PRR7: variants seen among roughly 807,000 people sequenced by gnomAD.
PRR7 encodes the protein proline rich 7, synaptic.
In PRR7, 8 loss-of-function variants were observed where a neutral mutation model predicts 18.5. The ratio of observed to expected loss-of-function variants is 0.43; its 90% CI spans 0.25 to 0.78. PRR7 has a LOEUF of 0.78. PRR7 is among the 30% of genes least tolerant of loss of function. The probability of loss-of-function intolerance (pLI) is 0.22; values close to 1 mark genes in which losing one functional copy is unlikely to be tolerated. For missense variants in PRR7, 396 were observed against 403.1 expected, an observed-to-expected ratio of 0.98 and a Z score of 0.15; for synonymous variants, 221 against 187.7, an observed-to-expected ratio of 1.18 and a Z score of -1.45.
Position 177,456,164 on chromosome 5 carries a change from C to G in PRR7, c.*43C>G, listed in dbSNP as rs1310581620. 1.4e-6 allele frequency: 2 copies of G among 1,407,632 alleles called. No homozygotes were observed. The highest frequency in any genetic ancestry group is 1.5e-5 in the African/African-American group (1 of 66,066). The allele number at this position is 1,407,632 out of a possible 1,614,324, so 87.2% of individuals were successfully genotyped here. On this transcript the variant is annotated 3_prime_UTR_variant, in exon 4 of 4. Coordinates refer to ENST00000323249, the MANE Select transcript of PRR7 (RefSeq NM_030567.5). ...CGGGCCCCACCGGCGGACTCCTGGC[C>G]TGACTGCGGGGCTTTTTAAATGCTT...
At position 177,455,433 on chromosome 5, in the gene PRR7, C is replaced by T; in HGVS notation, c.366C>T (p.Leu122=). The change falls in exon 3 of 4, where the codon CTC becomes CTT. Residue 122 remains leucine (L), a synonymous_variant. Coordinates refer to ENST00000323249, the MANE Select transcript of PRR7 (RefSeq NM_030567.5). This position sits in a 1 kb window ranked among gnomAD's most constrained non-coding sequence, Gnocchi z 6.9. ...HAHPHPHHHA[L]PHPPPTHLSV... Reference sequence around the variant, plus strand: ...ACCCACACCCGCACCACCACGCGCTCCCGCACCCGCCGCCTACGCACCTGT... The same window carrying T: ...ACCCACACCCGCACCACCACGCGCTTCCGCACCCGCCGCCTACGCACCTGT... 6.6e-7 allele frequency: 1 copy of T among 1,506,886 alleles called. No homozygotes were observed. The highest frequency in any genetic ancestry group is 8.8e-7 in the Non-Finnish European group (1 of 1,135,392). 93.3% of individuals were successfully genotyped at this position (1,506,886 alleles called of 1,614,324 possible).
At position 177,455,806 on chromosome 5, in the gene PRR7, C is replaced by A. The variant is rs1397867705; in HGVS notation, c.510C>A (p.Leu170=). The stretch of plus-strand genomic sequence containing the variant: ...CGCCGCCGCCCTATAGCGAGGTGCT[C>A]ACGGACACGCGCGGCCTCTACCGCA... ...AEPPPPYSEV[L]TDTRGLYRKI... The change falls in exon 4 of 4, where the codon CTC becomes CTA. Residue 170 remains leucine, a synonymous_variant. Transcript: ENST00000323249. This position sits in a 1 kb window ranked among gnomAD's most constrained non-coding sequence, Gnocchi z 6.9. The A allele has an allele frequency of 1.2e-6, 2 of 1,611,824 alleles. No individual in the cohort carries two copies. Among genetic ancestry groups the A allele is most frequent in the African/African-American group, 2.7e-5 (2 of 74,890 alleles).
rs1756440455 is a variant in PRR7 at position 177,456,187 on chromosome 5, C to T, written c.*66C>T. 5.1e-6 allele frequency: 7 copies of T among 1,374,400 alleles called. No individual in the cohort carries two copies. The South Asian group carries it at 1.2e-4, about 23-fold the overall frequency. 85.1% of individuals were successfully genotyped at this position (1,374,400 alleles called of 1,614,324 possible). The stretch of plus-strand genomic sequence containing the variant: ...GCCTGACTGCGGGGCTTTTTAAATG[C>T]TTCCCTGGACTGCGGGGAGGGGCGG... On this transcript the variant is annotated 3_prime_UTR_variant, in exon 4 of 4. Coordinates refer to ENST00000323249, the MANE Select transcript of PRR7 (RefSeq NM_030567.5).
chr5:177,451,934 C>G (rs1213546974), intron 1 of PRR7, among the ~76,000 whole-genome samples: 1 of 110,480 alleles, frequency 9.1e-6, no homozygotes, highest in Non-Finnish European at 2.1e-5. Flanking sequence ...CCTCCACACC[C>G]TTTGCATGAT....
Position 177,454,901 on chromosome 5 carries a change from G to A in PRR7, c.-167G>A. The A allele has an allele frequency of 1.0e-6, 1 of 965,434 alleles. No homozygotes were observed. The highest frequency in any genetic ancestry group is 1.3e-6 in the Non-Finnish European group (1 of 749,208). 59.8% of individuals were successfully genotyped at this position (965,434 alleles called of 1,614,324 possible). ...ATGGGAAGGAGCGGGCGCCGCTGCT[G>A]TCCCCCGCCGGCGCGCGCACGACTT... On this transcript the variant is annotated 5_prime_UTR_variant, in exon 3 of 4. Transcript: ENST00000323249. The surrounding 1 kb of genome is among the most constrained non-coding windows in gnomAD (Gnocchi z 4.7).
chr5:177,450,348 CT>C lies in PRR7; in HGVS notation c.-325+3392del, dbSNP rs1202751588. On this transcript the variant is annotated intron_variant, in intron 1 of 3. Transcript: ENST00000323249. This position sits in a 1 kb window ranked among gnomAD's most constrained non-coding sequence, Gnocchi z 6.6. ...GCCCTGGTGTGTGCCTCCGTACAGC[CT>C]TTTCCTTTGATTCACGTAGACACAT... Among the ~76,000 whole-genome samples the C allele has an allele frequency of 6.6e-6, 1 of 152,212 alleles. No homozygotes were observed. The highest frequency in any genetic ancestry group is 1.5e-5 in the Non-Finnish European group (1 of 68,050).
At position 177,456,042 on chromosome 5, in the gene PRR7, G is replaced by A; in HGVS notation, c.746G>A (p.Ser249Asn). 1 of 1,574,620 alleles carries A rather than the reference G, an allele frequency of 6.4e-7. No homozygotes were observed. The highest frequency in any genetic ancestry group is 8.6e-7 in the Non-Finnish European group (1 of 1,166,678). The change falls in exon 4 of 4, where the codon AGC becomes AAC. Residue 249 changes from serine to asparagine, a missense_variant. Ser to Asn is a conservative substitution (Grantham distance 46). This residue lies in a region of PRR7 where 383 missense variants were observed against 372.6 expected (regional missense o/e 1.03). Coordinates refer to ENST00000323249, the MANE Select transcript of PRR7 (RefSeq NM_030567.5). ...VFPSWTDSEL[S>N]SREPLEHGAW... ...CCCAGCTGGACCGACTCAGAGCTCA[G>A]CAGCCGCGAGCCCCTGGAGCACGGA...
At chr5:177,447,880 T>C (rs1360889648) in intron 1 of PRR7, among the ~76,000 whole-genome samples, 3 of 152,196 alleles carry the variant, frequency 2.0e-5, no homozygotes, top group Non-Finnish European at 4.4e-5. Flanking sequence ...TGCCCCTTTC[T>C]TGTCTGAGCA....
upstream of PRR7, chr5:177,446,648 G>C (rs1755893766): frequency 6.6e-6 from 1 of 151,914 alleles, no homozygotes; most frequent in Non-Finnish European, 1.5e-5. This position sits in a 1 kb window ranked among gnomAD's most constrained non-coding sequence, Gnocchi z 5.3. Flanking sequence ...GGAGAACCGG[G>C]TCTCGGCGCC....
At chr5:177,447,124 G>A (rs1379381113) in intron 1 of PRR7, among the ~76,000 whole-genome samples, 164 bp downstream of exon 1, 1 of 152,070 alleles carries the variant, frequency 6.6e-6, no homozygotes, top group African/African-American at 2.4e-5. Context: ...CCACACCGGA[G>A]GGAGGGAGAG....
intron 1 of PRR7, among the ~76,000 whole-genome samples, chr5:177,451,923 A>G (rs1490292800): frequency 1.5e-5 from 2 of 130,058 alleles, no homozygotes; most frequent in Admixed American, 7.4e-5. Context: ...GTCTGTTGGT[A>G]CCTCCACACC....
At position 177,455,553 on chromosome 5, in the gene PRR7, A is replaced by C. The variant is rs1756380077; in HGVS notation, c.427+59A>C. ...GCCGCCGGAAGTGGGCGGGCGTTGG[A>C]GGGCTCGCTGCTTACCCTCAGGGCT... On this transcript the variant is annotated intron_variant, in intron 3 of 3. Transcript: ENST00000323249. The surrounding 1 kb of genome is among the most constrained non-coding windows in gnomAD (Gnocchi z 6.9). The C allele has an allele frequency of 7.0e-7, 1 of 1,431,740 alleles. No individual in the cohort carries two copies. The highest frequency in any genetic ancestry group is 1.5e-5 in the African/African-American group (1 of 66,764). The allele number at this position is 1,431,740 out of a possible 1,614,324, so 88.7% of individuals were successfully genotyped here.
At position 177,454,801 on chromosome 5, in the gene PRR7, T is replaced by G; in HGVS notation, c.-239-28T>G. On this transcript the variant is annotated intron_variant, in intron 2 of 3. Transcript: ENST00000323249. This position sits in a 1 kb window ranked among gnomAD's most constrained non-coding sequence, Gnocchi z 4.7. ...AAGTCGTTGGGGGCCGCGGCGCGCCTTCACTGCGCCCCGTGTCTGCCCTAC... is the reference window on the plus strand; with the variant it reads ...AAGTCGTTGGGGGCCGCGGCGCGCCGTCACTGCGCCCCGTGTCTGCCCTAC... 1 of 234,132 alleles carries G rather than the reference T, an allele frequency of 4.3e-6. No homozygotes were observed. Among genetic ancestry groups the G allele is most frequent in the Non-Finnish European group, 8.1e-6 (1 of 124,190 alleles). The allele number at this position is 234,132 out of a possible 1,614,324, so 14.5% of individuals were successfully genotyped here. A position where few individuals can be genotyped will look rare whatever the true frequency, so the allele number is the denominator to read the frequency against.
At chr5:177,452,585 G>C (rs574128022) in intron 1 of PRR7, among the ~76,000 whole-genome samples, 1 of 152,232 alleles carries the variant, frequency 6.6e-6, no homozygotes, top group Non-Finnish European at 1.5e-5. Flanking sequence ...AGAAGACAGC[G>C]TTCAGTGTCA....
At chr5:177,448,828 G>A (rs1016776331) in intron 1 of PRR7, among the ~76,000 whole-genome samples, 1 of 152,214 alleles carries the variant, frequency 6.6e-6, no homozygotes, top group Non-Finnish European at 1.5e-5. Context: ...CCTGGTCCTC[G>A]GCTCATGGGC....
chr5:177,455,833 G>A lies in PRR7; in HGVS notation c.537G>A (p.Lys179=). 1 of 1,612,198 alleles carries A rather than the reference G, an allele frequency of 6.2e-7. No individual in the cohort carries two copies. Among genetic ancestry groups the A allele is most frequent in the Non-Finnish European group, 8.5e-7 (1 of 1,179,742 alleles). ...CGGACACGCGCGGCCTCTACCGCAA[G>A]ATCGTCACGCCCTTCCTGAGTCGCC... ...VLTDTRGLYR[K]IVTPFLSRRD... Residue 179 remains lysine (K), a synonymous_variant, in exon 4 of 4, where the codon AAG becomes AAA. Transcript: ENST00000323249. This position sits in a 1 kb window ranked among gnomAD's most constrained non-coding sequence, Gnocchi z 6.9.
rs887546185 is a variant in PRR7 at position 177,454,318 on chromosome 5, G to A, written c.-240+278G>A. ...CTGAGCCCCCCTACGGGAGCGGCGG[G>A]AGACCCGGAGGGCGCGGTGCGGAGC... On this transcript the variant is annotated intron_variant, in intron 2 of 3. Transcript: ENST00000323249. This position sits in a 1 kb window ranked among gnomAD's most constrained non-coding sequence, Gnocchi z 4.7. Among the ~76,000 whole-genome samples, 1 of 152,378 alleles carries A rather than the reference G, an allele frequency of 6.6e-6. No individual in the cohort carries two copies. Among genetic ancestry groups the A allele is most frequent in the South Asian group, 2.1e-4 (1 of 4,832 alleles).
rs767236746 is a variant in PRR7, at chr5:177,455,333, A to G, written c.266A>G (p.His89Arg). 3.6e-5 allele frequency: 53 copies of G among 1,487,510 alleles called. No homozygotes were observed. The highest frequency in any genetic ancestry group is 1.2e-4 in the Admixed American group (5 of 42,998). The allele number at this position is 1,487,510 out of a possible 1,614,324, so 92.1% of individuals were successfully genotyped here. Residue 89 changes from histidine (H) to arginine (R), a missense_variant, in exon 3 of 4, where the codon CAC (histidine) becomes CGC (arginine). Transcript: ENST00000323249. This position sits in a 1 kb window ranked among gnomAD's most constrained non-coding sequence, Gnocchi z 6.9. ...CGTAGCCGCCTGGAGGCGCCGGCTC[A>G]CGCGCACTCGCATCCGCACGTGCAC... ...PHRSRLEAPAHAHSHPHVHVH... is the reference protein window; with the variant it reads ...PHRSRLEAPARAHSHPHVHVH...
Position 177,446,956 on chromosome 5 carries a change from G to A in PRR7, c.-329G>A, listed in dbSNP as rs962546567. ...AGAACGAGCTCGAGGAGGATGCCTGGGCCCGTGAGTACCGCGGCGGCTGCG... is the reference window on the plus strand; with the variant it reads ...AGAACGAGCTCGAGGAGGATGCCTGAGCCCGTGAGTACCGCGGCGGCTGCG... On this transcript the variant is annotated 5_prime_UTR_variant, in exon 1 of 4. Transcript: ENST00000323249. The surrounding 1 kb of genome is among the most constrained non-coding windows in gnomAD (Gnocchi z 5.3). 2 of 152,168 alleles carry A rather than the reference G, an allele frequency of 1.3e-5. No homozygotes were observed. Among genetic ancestry groups the A allele is most frequent in the South Asian group, 4.1e-4 (2 of 4,836 alleles). 9.4% of individuals were successfully genotyped at this position (152,168 alleles called of 1,614,324 possible). A position where few individuals can be genotyped will look rare whatever the true frequency, so the allele number is the denominator to read the frequency against.
Sources: allele counts gnomAD v4.1 joint callset (sites outside exome capture counted in the v4.1 genomes callset), GRCh38; gene constraint gnomAD v4.1.1; regional missense constraint gnomAD v4.1.1; non-coding constraint Gnocchi (gnomAD v3.1); transcripts MANE v1.5; gene names NCBI Gene and HGNC (gene_info 2026-07-23, HGNC 2026-07-21).